TFDP2: variants seen among roughly 807,000 people sequenced by gnomAD.
TFDP2 encodes transcription factor Dp-2 (E2F dimerization partner 2).
In TFDP2, 17 loss-of-function variants were observed where a neutral mutation model predicts 59.3. The observed-to-expected ratio is 0.29, with a 90% CI of 0.20 to 0.43. The LOEUF (loss-of-function observed/expected upper bound fraction) is 0.43, where lower values mean the gene tolerates loss of function less well. TFDP2 is among the 20% of genes least tolerant of loss of function. The probability of loss-of-function intolerance (pLI) is 1.00; values close to 1 mark genes in which losing one functional copy is unlikely to be tolerated. For missense variants in TFDP2, 391 were observed against 528.8 expected (o/e 0.74, Z 2.56); for synonymous variants, 180 against 194.7 (o/e 0.92, Z 0.63).
rs186679803 is a variant in TFDP2, at chr3:142,100,310, C to T, written c.15+1425G>A. ...TAGTCAACATCAGACTTTAACTGTG[C>T]CAGAGGCTCCTCCTAAGGAGTCTGA... On this transcript the variant is annotated intron_variant, in intron 2 of 12. Coordinates refer to ENST00000489671, the MANE Select transcript of TFDP2 (RefSeq NM_001178139.2). Among the ~76,000 whole-genome samples, 6 of 152,310 alleles carry T rather than the reference C, an allele frequency of 3.9e-5. No individual in the cohort carries two copies. In the East Asian group the frequency reaches 1.2e-3, roughly 29 times the overall value.
chr3:141,984,774 T>G (rs1941896068), intron 6 of TFDP2, among the ~76,000 whole-genome samples: 1 of 152,230 alleles, frequency 6.6e-6, no homozygotes. Flanking sequence ...CATGGCTTTA[T>G]TAGCCAGTGT....
At chr3:142,006,469 A>ATTTT (rs61099247) in intron 3 of TFDP2, among the ~76,000 whole-genome samples, 16,283 of 137,452 alleles carry the variant, frequency 0.12, 1,193 homozygotes, top group East Asian at 0.17. Context: ...TTCCCTTACT[A>ATTTT]TTTTTTTTTT....
chr3:142,113,646 A>G (rs544803565), intron 1 of TFDP2, among the ~76,000 whole-genome samples: 18 of 152,286 alleles, frequency 1.2e-4, no homozygotes, highest in African/African-American at 4.3e-4. Context: ...GAAATGTTCA[A>G]TCTGAGTCAT....
intron 6 of TFDP2, among the ~76,000 whole-genome samples, chr3:141,984,620 C>T (rs1941878754): frequency 6.6e-6 from 1 of 152,062 alleles, no homozygotes; most frequent in East Asian, 1.9e-4. Flanking sequence ...TTCATGGGGA[C>T]AGAGTTTCAA....
At chr3:141,973,121 ATATTTTTT>A (rs1559951764) in intron 8 of TFDP2, among the ~76,000 whole-genome samples, 3 of 57,396 alleles carry the variant, frequency 5.2e-5, no homozygotes, top group African/African-American at 1.7e-4. Flanking sequence ...ATATATATAT[ATATTTTTT>A]TTTTTTAAAG....
chr3:141,952,834 A>G, intron 12 of TFDP2, 77 bp downstream of exon 12: 1 of 1,554,908 alleles, frequency 6.4e-7, no homozygotes, highest in Non-Finnish European at 8.9e-7. Flanking sequence ...GCTGGCAGTA[A>G]CATGACCCCG....
Position 141,991,240 on chromosome 3 carries a change from A to T in TFDP2, c.356+2298T>A, listed in dbSNP as rs186116937. On this transcript the variant is annotated intron_variant, in intron 6 of 12. Coordinates refer to ENST00000489671, the MANE Select transcript of TFDP2 (RefSeq NM_001178139.2). ...CCATCTTTTGACATTTTCCCAATAA[A>T]TTTTTTTATGGTTTACAAAAGTAAT... 3.6e-3 allele frequency among the ~76,000 whole-genome samples: 548 copies of T among 152,224 alleles called. 1 individual carries two copies. Among genetic ancestry groups the T allele is most frequent in the African/African-American group, 0.012 (518 of 41,538 alleles).
chr3:142,107,578 C>T (rs571415183), intron 1 of TFDP2, among the ~76,000 whole-genome samples: 25 of 152,156 alleles, frequency 1.6e-4, no homozygotes, highest in African/African-American at 4.6e-4. Flanking sequence ...CTTTTTCTTA[C>T]GTGAGCAGCA....
intron 3 of TFDP2, among the ~76,000 whole-genome samples, chr3:142,055,237 C>T (rs569809801): frequency 2.0e-5 from 3 of 152,032 alleles, no homozygotes; most frequent in Non-Finnish European, 2.9e-5. Flanking sequence ...TGTGTTGTGG[C>T]CATAGTAATC....
intron 3 of TFDP2, among the ~76,000 whole-genome samples, chr3:142,018,435 C>T (rs563502650): frequency 6.6e-6 from 1 of 152,098 alleles, no homozygotes; most frequent in Non-Finnish European, 1.5e-5. Flanking sequence ...TCTCCATTTA[C>T]ATATATCCTC....
chr3:142,108,767 T>C (rs1025877221), intron 1 of TFDP2, among the ~76,000 whole-genome samples: 8 of 152,272 alleles, frequency 5.3e-5, no homozygotes, highest in African/African-American at 1.9e-4. Context: ...TGCCTACCTC[T>C]CCAGCTCTAT....
chr3:142,113,508 G>A (rs1231882833), intron 1 of TFDP2, among the ~76,000 whole-genome samples: 5 of 151,958 alleles, frequency 3.3e-5, no homozygotes, highest in Non-Finnish European at 5.9e-5. Flanking sequence ...GATCCGCCCC[G>A]CCTCAGCCTC....
intron 1 of TFDP2, among the ~76,000 whole-genome samples, chr3:142,147,027 C>G (rs551577873): frequency 1.9e-4 from 24 of 127,946 alleles, no homozygotes; most frequent in African/African-American, 7.1e-4. Flanking sequence ...GAGTTCCAGA[C>G]AAGCCTGAGC....
At chr3:142,031,137 G>C (rs1364224938) in intron 3 of TFDP2, among the ~76,000 whole-genome samples, 1 of 152,158 alleles carries the variant, frequency 6.6e-6, no homozygotes, top group Non-Finnish European at 1.5e-5. Flanking sequence ...ACTATTTAGT[G>C]TATGTTTTAA....
intron 3 of TFDP2, among the ~76,000 whole-genome samples, chr3:142,015,166 ATT>A (rs1945032573): frequency 6.6e-6 from 1 of 152,100 alleles, no homozygotes; most frequent in Non-Finnish European, 1.5e-5. Context: ...CTCTCTAAAC[ATT>A]TGGGAGCCCC....
chr3:142,090,785 T>G (rs2060971238), intron 3 of TFDP2: 1 of 152,236 alleles, frequency 6.6e-6, no homozygotes, highest in African/African-American at 2.4e-5. Flanking sequence ...GGTCTCAAAC[T>G]CCTTACCTCA....
chr3:141,987,745 T>C (rs1430195238), intron 6 of TFDP2, among the ~76,000 whole-genome samples: 1 of 143,670 alleles, frequency 7.0e-6, no homozygotes, highest in Admixed American at 7.0e-5. Flanking sequence ...CTGGCCAACA[T>C]GGTGAAATCC....
intron 1 of TFDP2, among the ~76,000 whole-genome samples, chr3:142,144,248 C>T (rs2063074744): frequency 6.6e-6 from 1 of 151,994 alleles, no homozygotes; most frequent in Admixed American, 6.5e-5. Context: ...GTGGCACATG[C>T]CTATAATCCC....
At position 141,991,735 on chromosome 3, in the gene TFDP2, T is replaced by C. The variant is rs191018714; in HGVS notation, c.356+1803A>G. Among the ~76,000 whole-genome samples the C allele has an allele frequency of 1.8e-3, 273 of 150,578 alleles. 1 individual carries two copies. Among genetic ancestry groups the C allele is most frequent in the Middle Eastern group, 3.6e-3 (1 of 276 alleles). ...CTGCACTCCAGCCTGGGCAACAGAG[T>C]GACACCCTGTCTTAAAAACAAAAGA... On this transcript the variant is annotated intron_variant, in intron 6 of 12. Transcript: ENST00000489671.
Sources: allele counts gnomAD v4.1 joint callset (sites outside exome capture counted in the v4.1 genomes callset), GRCh38; gene constraint gnomAD v4.1.1; transcripts MANE v1.5; gene names NCBI Gene and HGNC (gene_info 2026-07-23, HGNC 2026-07-21).